ME1: variants seen among roughly 807,000 people sequenced by gnomAD.
ME1 encodes the protein malic enzyme 1.
ME1 carries 74 observed loss-of-function variants against 66.4 expected under a neutral mutation model. That is an observed-to-expected ratio of 1.11 (90% CI 0.92 to 1.35). The LOEUF (loss-of-function observed/expected upper bound fraction) is 1.35. Ranked by LOEUF, ME1 falls within the 40% of genes most tolerant of loss-of-function variation. The pLI is 0.00. For synonymous variants in ME1, 251 were observed against 235.6 expected (o/e 1.07, Z -0.60); for missense variants, 750 against 694.1 (o/e 1.08, Z -0.90).
chr6:83,412,171 C>T (rs1038854447), intron 1 of ME1, among the ~76,000 whole-genome samples: 1 of 152,124 alleles, frequency 6.6e-6, no homozygotes, highest in African/African-American at 2.4e-5. Context: ...TCCGCACTAA[C>T]AATCCTTAAT....
At chr6:83,334,025 G>T (rs539699709) in intron 5 of ME1, among the ~76,000 whole-genome samples, 1 of 151,906 alleles carries the variant, frequency 6.6e-6, no homozygotes, top group Admixed American at 6.6e-5. Context: ...CGCAGAAGAC[G>T]GGTGATTTCT....
At chr6:83,243,890 T>C (rs1354800655) in intron 7 of ME1, among the ~76,000 whole-genome samples, 1 of 136,052 alleles carries the variant, frequency 7.4e-6, no homozygotes, top group African/African-American at 2.8e-5. Context: ...TGTGTGTGTA[T>C]ATATATATAT....
intron 4 of ME1, among the ~76,000 whole-genome samples, chr6:83,349,410 G>A (rs1768755282): frequency 1.3e-5 from 2 of 152,014 alleles, no homozygotes; most frequent in South Asian, 4.1e-4. Flanking sequence ...ATTAATATCA[G>A]TAAGACAACT....
chr6:83,393,242 G>C (rs1769660156), intron 3 of ME1: 1 of 1,152,118 alleles, frequency 8.7e-7, no homozygotes, highest in African/African-American at 1.5e-5. Context: ...CTGAGCACCA[G>C]GTGGTCTCCT....
Position 83,237,831 on chromosome 6 carries a change from CT to C in ME1, c.913-2del. 2 of 1,557,206 alleles carry C rather than the reference CT, an allele frequency of 1.3e-6. No homozygotes were observed. Among genetic ancestry groups the C allele is most frequent in the Non-Finnish European group, 1.7e-6 (2 of 1,146,932 alleles). ...TCAGGTGTGCAATCCCTAGGGCAGC[CT>C]CAGTGATGAAAAGAAAAAATTTTAA... On this transcript the variant is annotated splice_acceptor_variant, in intron 8 of 13. Coordinates refer to ENST00000369705, the MANE Select transcript of ME1 (RefSeq NM_002395.6). LOFTEE classifies it high-confidence loss of function.
At chr6:83,343,215 C>G (rs1768622533) in intron 5 of ME1, among the ~76,000 whole-genome samples, 1 of 152,192 alleles carries the variant, frequency 6.6e-6, no homozygotes, top group Non-Finnish European at 1.5e-5. Context: ...TATCATTCTA[C>G]TCTCTACCTC....
intron 6 of ME1, among the ~76,000 whole-genome samples, chr6:83,275,317 G>C (rs536436475): frequency 1.3e-5 from 2 of 149,514 alleles, no homozygotes; most frequent in South Asian, 4.2e-4. Context: ...CTGGGGGACA[G>C]AGTGAGACTC....
intron 6 of ME1, among the ~76,000 whole-genome samples, chr6:83,290,270 T>C (rs1389292748): frequency 6.6e-6 from 1 of 152,214 alleles, no homozygotes; most frequent in Non-Finnish European, 1.5e-5. Flanking sequence ...CATTTAGTGC[T>C]ATAAATTTCC....
chr6:83,212,732 G>T (rs549192021), intron 13 of ME1, among the ~76,000 whole-genome samples: 8 of 152,122 alleles, frequency 5.3e-5, no homozygotes, highest in Admixed American at 5.2e-4. Context: ...TTTCTAGTCT[G>T]CACATTATAC....
intron 6 of ME1, among the ~76,000 whole-genome samples, chr6:83,313,618 T>C (rs1028025909): frequency 1.3e-5 from 2 of 152,190 alleles, no homozygotes; most frequent in Non-Finnish European, 2.9e-5. Flanking sequence ...TTTCCTCTTA[T>C]ATAGCCTTAC....
rs572075871 is a variant in ME1, at chr6:83,213,035, G to GTTT, written c.1549-944_1549-942dup. 1.8e-3 allele frequency among the ~76,000 whole-genome samples: 246 copies of GTTT among 138,758 alleles called. 2 individuals are homozygous for GTTT. Among genetic ancestry groups the GTTT allele is most frequent in the African/African-American group, 5.8e-3 (217 of 37,642 alleles). The allele number at this position is 138,758 out of a possible 152,430, so 91.0% of individuals were successfully genotyped here. A position where few individuals can be genotyped will look rare whatever the true frequency, so the allele number is the denominator to read the frequency against. ...CATATATACTATTTAATTCACACCAGTTTTTTTTTTTTTTTGAGATGGAGT... is the reference window on the plus strand; with the variant it reads ...CATATATACTATTTAATTCACACCAGTTTTTTTTTTTTTTTTTTGAGATGGAGT... On this transcript the variant is annotated intron_variant, in intron 13 of 13. Coordinates refer to ENST00000369705, the MANE Select transcript of ME1 (RefSeq NM_002395.6).
In ME1 at chr6:83,240,306, G is replaced by T. The variant is rs7747605; in HGVS notation, c.815-670C>A. The stretch of plus-strand genomic sequence containing the variant: ...ATTTGGAATTTAATGTTAATGGCAA[G>T]TAAAATCTAATTATATTGTATCATT... On this transcript the variant is annotated intron_variant, in intron 7 of 13. Transcript: ENST00000369705. Among the ~76,000 whole-genome samples the T allele has an allele frequency of 3.9e-5, 6 of 152,162 alleles. No individual in the cohort carries two copies. In the East Asian group the frequency reaches 9.6e-4, roughly 24 times the overall value.
intron 5 of ME1, among the ~76,000 whole-genome samples, chr6:83,325,791 C>A (rs1276198506): frequency 6.6e-6 from 1 of 151,814 alleles, no homozygotes; most frequent in African/African-American, 2.4e-5. Context: ...CCATAGGGCC[C>A]AAAGTAATTT....
At chr6:83,406,111 T>A (rs1452292922) in intron 2 of ME1, among the ~76,000 whole-genome samples, 2 of 152,192 alleles carry the variant, frequency 1.3e-5, no homozygotes, top group Admixed American at 1.3e-4. Context: ...CATTGGTTCT[T>A]TTTATGTGAT....
At chr6:83,289,186 G>A (rs1222385729) in intron 6 of ME1, among the ~76,000 whole-genome samples, 4 of 152,188 alleles carry the variant, frequency 2.6e-5, no homozygotes, top group African/African-American at 7.2e-5. Context: ...CCAATACTAG[G>A]TTGAATCGAA....
intron 3 of ME1, among the ~76,000 whole-genome samples, chr6:83,354,271 C>T (rs563412639): frequency 2.4e-4 from 36 of 152,242 alleles, no homozygotes; most frequent in Non-Finnish European, 4.9e-4. Flanking sequence ...GGATTACAGG[C>T]GCCTGCCACC....
intron 6 of ME1, among the ~76,000 whole-genome samples, chr6:83,283,817 CCTAGAGGAA>C: frequency 6.6e-6 from 1 of 152,112 alleles, no homozygotes; most frequent in South Asian, 2.1e-4. Context: ...TAACATCATG[CCTAGAGGAA>C]CTAGAGGAAC....
intron 6 of ME1, among the ~76,000 whole-genome samples, chr6:83,264,054 A>G (rs1766945951): frequency 6.6e-6 from 1 of 152,196 alleles, no homozygotes. Context: ...GAATAGGCTG[A>G]CACCCTTGTT....
At chr6:83,316,485 C>G (rs1768031666) in intron 5 of ME1, among the ~76,000 whole-genome samples, 1 of 152,032 alleles carries the variant, frequency 6.6e-6, no homozygotes, top group South Asian at 2.1e-4. Flanking sequence ...CAGTGAAAGA[C>G]TGAGTGCTCT....
Sources: allele counts gnomAD v4.1 joint callset (sites outside exome capture counted in the v4.1 genomes callset), GRCh38; gene constraint gnomAD v4.1.1; transcripts MANE v1.5; gene names NCBI Gene and HGNC (gene_info 2026-07-23, HGNC 2026-07-21).